The following PKP4 variants were observed in gnomAD, a reference collection of about 807,000 sequenced individuals.
PKP4 encodes the protein plakophilin 4.
Under a neutral mutation model 145.1 loss-of-function variants are expected in PKP4, and 90 were observed. The ratio of observed to expected loss-of-function variants is 0.62; its 90% CI spans 0.52 to 0.74. The LOEUF (loss-of-function observed/expected upper bound fraction) is 0.74. Among genes scored for constraint, PKP4 ranks in the 30% least tolerant of loss-of-function variants. The pLI is 0.00. For missense variants in PKP4, 1,340 were observed against 1,482.7 expected, an observed-to-expected ratio of 0.90 and a Z score of 1.58; for synonymous variants, 563 against 577.2, an observed-to-expected ratio of 0.98 and a Z score of 0.35.
chr2:158,503,674 T>C (rs1430463228), intron 1 of PKP4, among the ~76,000 whole-genome samples: 1 of 152,240 alleles, frequency 6.6e-6, no homozygotes, highest in African/African-American at 2.4e-5. Context: ...AAAGTTTGTA[T>C]CATTCATATA....
At chr2:158,583,267 G>C (rs1288964630) in intron 3 of PKP4, among the ~76,000 whole-genome samples, 1 of 152,048 alleles carries the variant, frequency 6.6e-6, no homozygotes, top group East Asian at 1.9e-4. Context: ...AGAGTAAAAG[G>C]GTCCAATAGC....
intron 4 of PKP4, among the ~76,000 whole-genome samples, chr2:158,604,957 T>G (rs77118259): frequency 0.079 from 11,982 of 152,154 alleles, 669 homozygotes; most frequent in Middle Eastern, 0.22. Flanking sequence ...AGCTGCTGCT[T>G]CTTATTCTTG....
chr2:158,664,034 T>C (rs1382578306), intron 15 of PKP4, among the ~76,000 whole-genome samples: 1 of 152,222 alleles, frequency 6.6e-6, no homozygotes, highest in Non-Finnish European at 1.5e-5. Flanking sequence ...CTTCAGGAGC[T>C]GAATCCTAAC....
intron 4 of PKP4, among the ~76,000 whole-genome samples, chr2:158,604,121 G>A (rs572062393): frequency 6.6e-6 from 1 of 152,346 alleles, no homozygotes; most frequent in East Asian, 1.9e-4. Flanking sequence ...GTGGTTAACT[G>A]CCAAGTAAGT....
chr2:158,668,246 G>A (rs1022010736), intron 16 of PKP4, among the ~76,000 whole-genome samples: 5 of 146,372 alleles, frequency 3.4e-5, no homozygotes, highest in South Asian at 2.1e-4. Flanking sequence ...CCCTATTCCC[G>A]TCTTCCTGTG....
intron 3 of PKP4, among the ~76,000 whole-genome samples, chr2:158,578,876 G>A (rs1177137509): frequency 6.6e-6 from 1 of 152,192 alleles, no homozygotes; most frequent in Non-Finnish European, 1.5e-5. Flanking sequence ...AAAGAGCACT[G>A]AAAACCAGAG....
At chr2:158,590,256 G>A (rs2049139206) in intron 3 of PKP4, among the ~76,000 whole-genome samples, 1 of 149,854 alleles carries the variant, frequency 6.7e-6, no homozygotes, top group East Asian at 2.0e-4. Flanking sequence ...TTTAACCACT[G>A]TCAAATGTTT....
chr2:158,642,340 A>G (rs2054368517), intron 10 of PKP4, 146 bp from the exon 11 acceptor site: 2 of 610,348 alleles, frequency 3.3e-6, no homozygotes, highest in Non-Finnish European at 5.4e-6. Flanking sequence ...TAGAATGTAT[A>G]AAAGTTGTCT....
At position 158,463,306 on chromosome 2, in the gene PKP4, A is replaced by G. The variant is rs1185512320; in HGVS notation, c.-6+6088A>G. On this transcript the variant is annotated intron_variant, in intron 1 of 21. Coordinates refer to ENST00000389759, the MANE Select transcript of PKP4 (RefSeq NM_003628.6). ...ATAAAATGTCTTTGCTAGTCAGTACATGAATAAAGCGTTAGAAAGTGTTCA... is the reference window on the plus strand; with the variant it reads ...ATAAAATGTCTTTGCTAGTCAGTACGTGAATAAAGCGTTAGAAAGTGTTCA... Among the ~76,000 whole-genome samples, 7 of 152,172 alleles carry G rather than the reference A, an allele frequency of 4.6e-5. 1 individual carries two copies. The highest frequency in any genetic ancestry group is 4.6e-4 in the Admixed American group (7 of 15,286).
At chr2:158,603,828 C>T (rs908745222) in intron 4 of PKP4, among the ~76,000 whole-genome samples, 2 of 152,186 alleles carry the variant, frequency 1.3e-5, no homozygotes, top group East Asian at 3.8e-4. Flanking sequence ...CTGGAATAGG[C>T]ATTGATGTGT....
Position 158,634,308 on chromosome 2 carries a change from T to G in PKP4, c.1562+19T>G. The G allele has an allele frequency of 1.9e-6, 3 of 1,600,172 alleles. No homozygotes were observed. In the South Asian group the frequency reaches 3.3e-5, roughly 18 times the overall value. Reference sequence around the variant, plus strand: ...ACCCCAGGCGAGTACCAGTTAGGAGTCTCTAGAAGGCTACAGTATTGCAGG... The same window carrying G: ...ACCCCAGGCGAGTACCAGTTAGGAGGCTCTAGAAGGCTACAGTATTGCAGG... On this transcript the variant is annotated intron_variant, in intron 9 of 21. Coordinates refer to ENST00000389759, the MANE Select transcript of PKP4 (RefSeq NM_003628.6).
At chr2:158,457,324 G>GCC in intron 1 of PKP4, 106 bp downstream of exon 1, 1 of 151,968 alleles carries the variant, frequency 6.6e-6, no homozygotes, top group African/African-American at 2.4e-5. Context: ...CGGGGGCCGG[G>GCC]GGCCTCCCTC....
chr2:158,533,826 T>G (rs1469799342), intron 2 of PKP4, among the ~76,000 whole-genome samples: 3 of 152,244 alleles, frequency 2.0e-5, no homozygotes, highest in Non-Finnish European at 4.4e-5. Flanking sequence ...GCCAGTTTGC[T>G]TCAATGTCAT....
chr2:158,632,891 A>C (rs903410863), intron 8 of PKP4, among the ~76,000 whole-genome samples: 1 of 152,218 alleles, frequency 6.6e-6, no homozygotes, highest in African/African-American at 2.4e-5. Flanking sequence ...CTTTAATAAG[A>C]CTAAGAAATA....
chr2:158,611,896 C>T (rs1030604617), intron 4 of PKP4, among the ~76,000 whole-genome samples: 1 of 152,016 alleles, frequency 6.6e-6, no homozygotes, highest in East Asian at 1.9e-4. Flanking sequence ...TTTCTACAGG[C>T]CCATTTAGCC....
chr2:158,501,111 A>G lies in PKP4; in HGVS notation c.-5-32069A>G, dbSNP rs992993738. On this transcript the variant is annotated intron_variant, in intron 1 of 21. Transcript: ENST00000389759. ...TCCCTAAGGAAGGGTCCAGATCAAC[A>G]ACACTGCAAACACCATATTCCCTTC... Among the ~76,000 whole-genome samples, 5 of 152,304 alleles carry G rather than the reference A, an allele frequency of 3.3e-5. No individual in the cohort carries two copies. In the South Asian group the frequency reaches 8.3e-4, roughly 25 times the overall value.
chr2:158,485,700 A>G (rs1694066577), intron 1 of PKP4, among the ~76,000 whole-genome samples: 1 of 152,250 alleles, frequency 6.6e-6, no homozygotes. Context: ...TGTCATTTGT[A>G]AAATGGGAGA....
At chr2:158,500,342 G>GCACATATTATTATA (rs1440980026) in intron 1 of PKP4, among the ~76,000 whole-genome samples, 1 of 152,158 alleles carries the variant, frequency 6.6e-6, no homozygotes, top group African/African-American at 2.4e-5. Context: ...TTATTATTAA[G>GCACATATTATTATA]TGTGCAGAAA....
intron 11 of PKP4, among the ~76,000 whole-genome samples, chr2:158,644,575 A>C (rs2528576): frequency 0.81 from 117,581 of 144,794 alleles, 48,526 homozygotes; most frequent in East Asian, 0.97. Context: ...GCACAGTAGA[A>C]TACACATAAC....
Sources: gnomAD v4.1 joint callset for allele counts (sites outside exome capture counted in the v4.1 genomes callset) on GRCh38, gnomAD v4.1.1 for gene constraint, MANE v1.5 for transcripts, NCBI Gene and HGNC (gene_info 2026-07-23, HGNC 2026-07-21) for gene names.